GABRB1: variants seen among roughly 807,000 people sequenced by gnomAD.
GABRB1 encodes gamma-aminobutyric acid receptor subunit beta-1.
Under a neutral mutation model 51.6 loss-of-function variants are expected in GABRB1, and 17 were observed. The observed-to-expected ratio is 0.33, with a 90% CI of 0.23 to 0.49. GABRB1 has a LOEUF of 0.49. Ranked by LOEUF, GABRB1 falls within the 20% of genes least tolerant of loss-of-function variation. GABRB1 has a pLI of 0.99. For missense variants in GABRB1, 410 were observed against 600.6 expected (o/e 0.68, Z 3.32); for synonymous variants, 247 against 218.9 (o/e 1.13, Z -1.14).
intron 3 of GABRB1, among the ~76,000 whole-genome samples, chr4:47,046,882 AAC>A (rs1423703748): frequency 6.6e-6 from 1 of 152,152 alleles, no homozygotes; most frequent in Non-Finnish European, 1.5e-5. Context: ...TTAACAAACT[AAC>A]ACAGGAACAG....
chr4:47,164,565 A>G (rs189011205), intron 4 of GABRB1, among the ~76,000 whole-genome samples: 1 of 152,216 alleles, frequency 6.6e-6, no homozygotes, highest in East Asian at 1.9e-4. Context: ...TTTAGCAATC[A>G]TGGGATCAAT....
At chr4:47,035,786 A>G (rs543232396) in intron 3 of GABRB1, among the ~76,000 whole-genome samples, 50 of 152,316 alleles carry the variant, frequency 3.3e-4, no homozygotes, top group African/African-American at 1.2e-3. Context: ...AGTAAAACAC[A>G]GACAGTAGTA....
chr4:47,303,584 T>C (rs1724340464), intron 4 of GABRB1, among the ~76,000 whole-genome samples: 1 of 151,972 alleles, frequency 6.6e-6, no homozygotes, highest in Non-Finnish European at 1.5e-5. Flanking sequence ...AGTACAAATA[T>C]AAGATCAGAT....
intron 4 of GABRB1, among the ~76,000 whole-genome samples, chr4:47,296,414 A>T (rs1466273787): frequency 6.6e-6 from 1 of 152,166 alleles, no homozygotes; most frequent in Admixed American, 6.5e-5. Context: ...ATGGAGGAAG[A>T]TCTACCAAGC....
rs558778065 is a variant in GABRB1, at chr4:47,317,284, A to G, written c.462-2843A>G. On this transcript the variant is annotated intron_variant, in intron 4 of 8. Coordinates refer to ENST00000295454, the MANE Select transcript of GABRB1 (RefSeq NM_000812.4). Reference sequence around the variant, plus strand: ...AGCATCAGCTAAATTGTAGAATCACAGGACTTGCCACATTTTAGTAATTCC... The same window carrying G: ...AGCATCAGCTAAATTGTAGAATCACGGGACTTGCCACATTTTAGTAATTCC... Among the ~76,000 whole-genome samples, 317 of 152,168 alleles carry G rather than the reference A, an allele frequency of 2.1e-3. 1 individual carries two copies. The highest frequency in any genetic ancestry group is 7.3e-3 in the African/African-American group (305 of 41,582).
chr4:47,398,707 C>G (rs1416546023), intron 5 of GABRB1, among the ~76,000 whole-genome samples: 3 of 152,334 alleles, frequency 2.0e-5, no homozygotes, highest in African/African-American at 7.2e-5. Flanking sequence ...GCCTCAGCCT[C>G]GCGAGTAGCT....
At chr4:47,309,497 T>C (rs972995297) in intron 4 of GABRB1, among the ~76,000 whole-genome samples, 1 of 151,992 alleles carries the variant, frequency 6.6e-6, no homozygotes, top group Non-Finnish European at 1.5e-5. Context: ...AAAGCAGAAA[T>C]ATGGAATCAA....
At chr4:47,008,307 A>G (rs1028806385) in intron 1 of GABRB1, among the ~76,000 whole-genome samples, 1 of 152,172 alleles carries the variant, frequency 6.6e-6, no homozygotes, top group Non-Finnish European at 1.5e-5. Context: ...CCTAAAATAT[A>G]CATTTGAAAT....
chr4:47,355,721 C>A (rs934317666), intron 5 of GABRB1, among the ~76,000 whole-genome samples: 1 of 152,102 alleles, frequency 6.6e-6, no homozygotes, highest in African/African-American at 2.4e-5. Flanking sequence ...ATTGTTAGCA[C>A]CATTAGCGCA....
At chr4:47,063,380 A>G (rs1308201511) in intron 3 of GABRB1, among the ~76,000 whole-genome samples, 1 of 152,234 alleles carries the variant, frequency 6.6e-6, no homozygotes, top group Non-Finnish European at 1.5e-5. Flanking sequence ...AATCACCATA[A>G]CATAATATTT....
intron 3 of GABRB1, among the ~76,000 whole-genome samples, chr4:47,100,300 T>G (rs547743730): frequency 6.6e-6 from 1 of 152,072 alleles, no homozygotes; most frequent in Non-Finnish European, 1.5e-5. Flanking sequence ...CTAAAACGAC[T>G]GACAGATTTC....
intron 3 of GABRB1, among the ~76,000 whole-genome samples, chr4:47,045,442 TATC>T (rs36118087): frequency 0.13 from 18,838 of 149,286 alleles, 1,392 homozygotes; most frequent in South Asian, 0.22. Flanking sequence ...TATTCTCCTT[TATC>T]ATCATCATCA....
intron 3 of GABRB1, among the ~76,000 whole-genome samples, chr4:47,111,472 T>C (rs1242324993): frequency 6.6e-6 from 1 of 152,072 alleles, no homozygotes; most frequent in African/African-American, 2.4e-5. Flanking sequence ...TAATCTTTCC[T>C]AATGGCACTT....
chr4:47,360,070 A>C (rs534307294), intron 5 of GABRB1, among the ~76,000 whole-genome samples: 2 of 152,092 alleles, frequency 1.3e-5, no homozygotes, highest in African/African-American at 4.8e-5. Context: ...ATATAATTAC[A>C]AGATGTACAA....
At chr4:47,415,972 C>A (rs1326712279) in intron 8 of GABRB1, among the ~76,000 whole-genome samples, 1 of 152,180 alleles carries the variant, frequency 6.6e-6, no homozygotes, top group African/African-American at 2.4e-5. Flanking sequence ...GACATTTACT[C>A]AGCAAAATCT....
At chr4:47,277,757 TC>T (rs1371887831) in intron 4 of GABRB1, among the ~76,000 whole-genome samples, 1 of 152,086 alleles carries the variant, frequency 6.6e-6, no homozygotes, top group East Asian at 1.9e-4. Flanking sequence ...TGCAGGTATT[TC>T]AAAATTTTAT....
At chr4:47,309,965 A>G (rs1724608291) in intron 4 of GABRB1, among the ~76,000 whole-genome samples, 2 of 152,168 alleles carry the variant, frequency 1.3e-5, no homozygotes, top group Admixed American at 6.5e-5. Flanking sequence ...CAAGCATTGA[A>G]CTTGTACATG....
chr4:47,015,400 A>G (rs1386809295), intron 1 of GABRB1, among the ~76,000 whole-genome samples: 1 of 152,236 alleles, frequency 6.6e-6, no homozygotes, highest in Non-Finnish European at 1.5e-5. Flanking sequence ...TTGAGAGAGT[A>G]ACTATTATAT....
At position 47,403,341 on chromosome 4, in the gene GABRB1, G is replaced by C. The variant is rs1259124192; in HGVS notation, c.568G>C (p.Glu190Gln). The change falls in exon 6 of 9, where the codon GAA (glutamate) becomes CAA (glutamine). Residue 190 changes from glutamate to glutamine, a missense_variant. Transcript: ENST00000295454. ...AGATGGCTATACCACTGATGACATT[G>C]AATTTTACTGGAATGGAGGAGAAGG... ...ESYGYTTDDI[E>Q]FYWNGGEGAV... is the part of the protein sequence containing the mutation. The C allele has an allele frequency of 1.2e-6, 2 of 1,613,964 alleles. No individual in the cohort carries two copies. The highest frequency in any genetic ancestry group is 1.7e-6 in the Non-Finnish European group (2 of 1,179,888).
Sources: allele counts gnomAD v4.1 joint callset (sites outside exome capture counted in the v4.1 genomes callset), GRCh38; gene constraint gnomAD v4.1.1; transcripts MANE v1.5; gene names NCBI Gene and HGNC (gene_info 2026-07-23, HGNC 2026-07-21).